RASA1: variants seen among roughly 807,000 people sequenced by gnomAD.
RASA1 encodes ras GTPase-activating protein 1.
Under a neutral mutation model 132.2 loss-of-function variants are expected in RASA1, and 25 were observed. That is an observed-to-expected ratio of 0.19 (90% CI 0.14 to 0.26). RASA1 has a LOEUF of 0.26. RASA1 is among the 10% of genes least tolerant of loss of function. The probability of loss-of-function intolerance (pLI) is 1.00; values close to 1 mark genes in which losing one functional copy is unlikely to be tolerated. For synonymous variants in RASA1, 477 were observed against 449.9 expected (o/e 1.06, Z -0.76); for missense variants, 964 against 1,299.2 (o/e 0.74, Z 3.97).
At chr5:87,291,755 G>T (rs943385896) in intron 1 of RASA1, among the ~76,000 whole-genome samples, 3 of 152,070 alleles carry the variant, frequency 2.0e-5, no homozygotes, top group Non-Finnish European at 4.4e-5. Flanking sequence ...GTTTGTTCCC[G>T]CTTTGCCTTC....
At position 87,268,021 on chromosome 5, in the gene RASA1, A is replaced by AC; in HGVS notation, c.-429dup. On this transcript the variant is annotated 5_prime_UTR_variant, in exon 1 of 25. An upstream open reading frame in the 5' UTR loses its in-frame stop. Coordinates refer to ENST00000274376, the MANE Select transcript of RASA1 (RefSeq NM_002890.3). ...CAGTGGCCCCAGCCTCAGCAGCGGC[A>AC]CCGGCGGTGGCTGCGGTGTGGGTGG... 2.6e-6 allele frequency: 1 copy of AC among 389,510 alleles called. No homozygotes were observed. The highest frequency in any genetic ancestry group is 4.5e-6 in the Non-Finnish European group (1 of 222,096). The allele number at this position is 389,510 out of a possible 1,614,324, so 24.1% of individuals were successfully genotyped here.
chr5:87,287,052 T>C (rs573500842), intron 1 of RASA1, among the ~76,000 whole-genome samples: 107 of 146,734 alleles, frequency 7.3e-4, no homozygotes, highest in African/African-American at 2.5e-3. Context: ...ACCATATATA[T>C]ACCCCATGTA....
chr5:87,340,407 T>G lies in RASA1; in HGVS notation c.1018-883T>G, dbSNP rs188993695. Among the ~76,000 whole-genome samples the G allele has an allele frequency of 2.0e-4, 31 of 152,192 alleles. No individual in the cohort carries two copies. The East Asian group carries it at 6.0e-3, about 29-fold the overall frequency. On this transcript the variant is annotated intron_variant, in intron 5 of 24. Coordinates refer to ENST00000274376, the MANE Select transcript of RASA1 (RefSeq NM_002890.3). ...GGGCAGTGACACAATGATAATGCTA[T>G]TCATTTTTATAGTTTTTTTTTTTAA...
Position 87,276,374 on chromosome 5 carries a change from T to C in RASA1, c.539+7384T>C, listed in dbSNP as rs994498316. On this transcript the variant is annotated intron_variant, in intron 1 of 24. Coordinates refer to ENST00000274376, the MANE Select transcript of RASA1 (RefSeq NM_002890.3). ...TCACTGGCAGTACATTTCAGTTTTG[T>C]GCTGCGTTAAAAATTGTTGTTATTA... is the stretch of plus-strand genomic sequence containing the variant. Among the ~76,000 whole-genome samples, 3 of 152,148 alleles carry C rather than the reference T, an allele frequency of 2.0e-5. No homozygotes were observed. The East Asian group carries it at 5.8e-4, about 29-fold the overall frequency.
rs989403614 is a variant in RASA1, at chr5:87,391,553, T to C, written c.*670T>C. ...TTATTTTGTTGAAATTGTCAAAGAC[T>C]GTATTTAGATCTCATAATGCTTTGT... On this transcript the variant is annotated 3_prime_UTR_variant, in exon 25 of 25. Coordinates refer to ENST00000274376, the MANE Select transcript of RASA1 (RefSeq NM_002890.3). The C allele has an allele frequency of 1.7e-5, 4 of 237,684 alleles. No homozygotes were observed. The East Asian group carries it at 1.8e-4, about 11-fold the overall frequency. The allele number at this position is 237,684 out of a possible 1,614,324, so 14.7% of individuals were successfully genotyped here.
chr5:87,269,115 G>A lies in RASA1; in HGVS notation c.539+125G>A. 3 of 1,613,610 alleles carry A rather than the reference G, an allele frequency of 1.9e-6. No individual in the cohort carries two copies. In the South Asian group the frequency reaches 3.3e-5, roughly 18 times the overall value. The stretch of plus-strand genomic sequence containing the variant: ...GTTAGGAAAAGTTTTTGAAGTTTCA[G>A]GTTTCTTGGGTAGGAATTTAATCTG... On this transcript the variant is annotated intron_variant, in intron 1 of 24. Coordinates refer to ENST00000274376, the MANE Select transcript of RASA1 (RefSeq NM_002890.3).
At chr5:87,304,421 C>T (rs938756946) in intron 1 of RASA1, among the ~76,000 whole-genome samples, 1 of 151,952 alleles carries the variant, frequency 6.6e-6, no homozygotes, top group African/African-American at 2.4e-5. Flanking sequence ...ATCTGAACTT[C>T]ACTTATCCTT....
chr5:87,284,543 TG>T (rs998938999), intron 1 of RASA1, among the ~76,000 whole-genome samples: 1 of 152,190 alleles, frequency 6.6e-6, no homozygotes, highest in Non-Finnish European at 1.5e-5. Context: ...GTATCTGGAG[TG>T]GAACTGTTCT....
intron 1 of RASA1, among the ~76,000 whole-genome samples, chr5:87,306,198 C>A (rs529021035): frequency 1.6e-4 from 24 of 152,218 alleles, no homozygotes; most frequent in African/African-American, 5.8e-4. Flanking sequence ...TTCACGGTAG[C>A]AGAGACATGG....
chr5:87,379,694 A>C lies in RASA1; in HGVS notation c.2488-41A>C, dbSNP rs143187583. ...TTTCCTCTATTCATTTGCATTTGTC[A>C]TTGCCAACATGCATTTATATTGATT... On this transcript the variant is annotated intron_variant, in intron 18 of 24. Transcript: ENST00000274376. 27,937 of 1,603,834 alleles carry C rather than the reference A, an allele frequency of 0.017. 326 individuals carry two copies. The highest frequency in any genetic ancestry group is 0.043 in the Middle Eastern group (221 of 5,168).
At chr5:87,385,663 A>G (rs539817738) in intron 22 of RASA1, among the ~76,000 whole-genome samples, 32 of 152,218 alleles carry the variant, frequency 2.1e-4, no homozygotes, top group Admixed American at 8.5e-4. Flanking sequence ...CAATGAGTAC[A>G]TTTTAATACA....
At chr5:87,389,255 C>T (rs577979133) in intron 23 of RASA1, 138 bp from the exon 24 acceptor site, 108 of 1,067,770 alleles carry the variant, frequency 1.0e-4, no homozygotes, top group South Asian at 9.2e-4. Context: ...CGCTTGAACC[C>T]GGGAGGCGGA....
intron 19 of RASA1, among the ~76,000 whole-genome samples, chr5:87,380,126 T>C (rs1190809500): frequency 6.6e-6 from 1 of 152,128 alleles, no homozygotes; most frequent in Non-Finnish European, 1.5e-5. Flanking sequence ...GTAAAAGATA[T>C]CTTGTCTATC....
At chr5:87,390,312 C>T (rs910575591) in intron 24 of RASA1, among the ~76,000 whole-genome samples, 15 of 152,020 alleles carry the variant, frequency 9.9e-5, no homozygotes, top group Non-Finnish European at 1.8e-4. Flanking sequence ...ATGCTGTCAC[C>T]GCACTGGCTA....
At chr5:87,377,198 T>A in intron 17 of RASA1, 158 bp downstream of exon 17, 1 of 922,560 alleles carries the variant, frequency 1.1e-6, no homozygotes. Context: ...GGATGTCAGT[T>A]CTGATTATGT....
intron 1 of RASA1, among the ~76,000 whole-genome samples, chr5:87,275,978 T>C (rs1450096109): frequency 6.6e-6 from 1 of 152,162 alleles, no homozygotes; most frequent in Non-Finnish European, 1.5e-5. Context: ...CTTGCTAATG[T>C]TCCAATGGTG....
chr5:87,286,246 A>G (rs923315273), intron 1 of RASA1, among the ~76,000 whole-genome samples: 2 of 151,580 alleles, frequency 1.3e-5, no homozygotes, highest in Admixed American at 1.3e-4. Flanking sequence ...CAAGTGATCC[A>G]CTCGCATTTG....
chr5:87,332,415 G>A, intron 2 of RASA1, 92 bp from the exon 3 acceptor site: 2 of 1,300,930 alleles, frequency 1.5e-6, no homozygotes, highest in Non-Finnish European at 1.1e-6. Context: ...AAAGAGTATG[G>A]AAATTATGGA....
At chr5:87,372,075 T>TA in intron 12 of RASA1, 43 bp from the exon 13 acceptor site, 1 of 1,529,770 alleles carries the variant, frequency 6.5e-7, no homozygotes, top group Admixed American at 1.9e-5. Flanking sequence ...GGAAGCCAAA[T>TA]AAACTAGTGT....
Sources: gnomAD v4.1 joint callset for allele counts (sites outside exome capture counted in the v4.1 genomes callset) on GRCh38, gnomAD v4.1.1 for gene constraint, MANE v1.5 for transcripts, NCBI Gene and HGNC (gene_info 2026-07-23, HGNC 2026-07-21) for gene names.